INTU: variants seen among roughly 807,000 people sequenced by gnomAD.
The protein encoded by INTU is inturned planar cell polarity protein.
In INTU, 68 loss-of-function variants were observed where a neutral mutation model predicts 100.5. The observed-to-expected ratio is 0.68, with a 90% CI of 0.56 to 0.83. The LOEUF is 0.83. Among genes scored for constraint, INTU ranks in the 40% least tolerant of loss-of-function variants. The probability of loss-of-function intolerance (pLI) is 0.00; values close to 1 mark genes in which losing one functional copy is unlikely to be tolerated. For synonymous variants in INTU, 357 were observed against 395.7 expected (o/e 0.90, Z 1.16); for missense variants, 1,071 against 1,114.7 (o/e 0.96, Z 0.56).
intron 6 of INTU, among the ~76,000 whole-genome samples, chr4:127,676,663 G>A (rs1042610633): frequency 2.6e-5 from 4 of 151,990 alleles, no homozygotes; most frequent in South Asian, 2.1e-4. Flanking sequence ...AGCTCCCAGC[G>A]TGAGCGATGC....
intron 8 of INTU, among the ~76,000 whole-genome samples, chr4:127,690,605 C>T (rs1730072255): frequency 1.3e-5 from 2 of 152,240 alleles, no homozygotes; most frequent in South Asian, 4.1e-4. Flanking sequence ...AGCTAGATAC[C>T]TTTTGCTAAA....
At chr4:127,636,771 A>T (rs1727093460) in intron 1 of INTU, among the ~76,000 whole-genome samples, 1 of 152,200 alleles carries the variant, frequency 6.6e-6, no homozygotes, top group South Asian at 2.1e-4. Flanking sequence ...ACATGGGAAC[A>T]TACTAGTTGT....
chr4:127,647,180 T>G (rs1727629775), intron 2 of INTU, among the ~76,000 whole-genome samples: 1 of 152,236 alleles, frequency 6.6e-6, no homozygotes, highest in South Asian at 2.1e-4. Flanking sequence ...ACTAGGCTAG[T>G]GCATTCATCT....
chr4:127,656,362 T>C (rs1728223288), intron 2 of INTU, among the ~76,000 whole-genome samples: 1 of 152,222 alleles, frequency 6.6e-6, no homozygotes. Context: ...CTCCCAATTG[T>C]ATCAAGAATA....
intron 3 of INTU, among the ~76,000 whole-genome samples, chr4:127,660,621 T>TA (rs368152143): frequency 6.6e-6 from 1 of 152,166 alleles, no homozygotes; most frequent in Non-Finnish European, 1.5e-5. Context: ...CATTGCTTTT[T>TA]AAATAGGATG....
intron 12 of INTU, among the ~76,000 whole-genome samples, chr4:127,708,132 A>G (rs1730962932): frequency 6.6e-6 from 1 of 152,330 alleles, no homozygotes; most frequent in Admixed American, 6.5e-5. Flanking sequence ...CAGATTAAAG[A>G]ATTACCAAGC....
chr4:127,685,337 A>C (rs1481807509), intron 7 of INTU: 2 of 391,200 alleles, frequency 5.1e-6, no homozygotes, highest in Admixed American at 5.5e-5. Flanking sequence ...CCTTAGGAGT[A>C]TATCAGTACA....
chr4:127,674,076 T>C (rs1252336797), intron 5 of INTU, 48 bp from the exon 6 acceptor site: 1 of 1,204,722 alleles, frequency 8.3e-7, no homozygotes, highest in South Asian at 1.4e-5. Context: ...TATAATTTTA[T>C]GACATTTAAA....
chr4:127,705,707 A>G lies in INTU; in HGVS notation c.1683A>G (p.Ile561Met), dbSNP rs1479602366. 3 of 1,613,946 alleles carry G rather than the reference A, an allele frequency of 1.9e-6. No homozygotes were observed. The highest frequency in any genetic ancestry group is 2.5e-6 in the Non-Finnish European group (3 of 1,179,954). Reference protein sequence around the residue: ...AAKQRIGQLIIWREVFPQHHL... With the variant: ...AAKQRIGQLIMWREVFPQHHL... Reference sequence around the variant, plus strand: ...AACAAAGAATTGGTCAGTTGATCATATGGAGAGAAGTGTTTCCTCAGCATC... The same window carrying G: ...AACAAAGAATTGGTCAGTTGATCATGTGGAGAGAAGTGTTTCCTCAGCATC... The change falls in exon 11 of 16, where the codon ATA (isoleucine) becomes ATG (methionine). Residue 561 changes from isoleucine (I) to methionine (M), a missense_variant. Ile to Met is a conservative substitution (Grantham distance 10). Coordinates refer to ENST00000335251, the MANE Select transcript of INTU (RefSeq NM_015693.4).
chr4:127,635,013 C>T (rs980106975), intron 1 of INTU, among the ~76,000 whole-genome samples: 4 of 152,184 alleles, frequency 2.6e-5, no homozygotes, highest in Admixed American at 6.5e-5. Flanking sequence ...TCATGGACTA[C>T]GTGAAGCTTA....
At chr4:127,638,776 C>T (rs942424322) in intron 1 of INTU, among the ~76,000 whole-genome samples, 1 of 152,048 alleles carries the variant, frequency 6.6e-6, no homozygotes, top group African/African-American at 2.4e-5. Context: ...AGGCTATAAA[C>T]ATACACTTAT....
At chr4:127,705,898 T>C in intron 11 of INTU, 86 bp downstream of exon 11, 1 of 907,406 alleles carries the variant, frequency 1.1e-6, no homozygotes, top group Non-Finnish European at 1.7e-6. Context: ...GATGCAGCGG[T>C]AGGTAGGTAT....
Position 127,716,516 on chromosome 4 carries a change from A to AT in INTU, c.*81dup. The AT allele has an allele frequency of 1.8e-6, 1 of 558,692 alleles. No homozygotes were observed. Among genetic ancestry groups the AT allele is most frequent in the Non-Finnish European group, 3.1e-6 (1 of 326,820 alleles). 34.6% of individuals were successfully genotyped at this position (558,692 alleles called of 1,614,324 possible). ...ATTGCTGAAATCAATACACAAAGAG[A>AT]TAAAGTTTAGCTTCTTTTTACTATT... On this transcript the variant is annotated 3_prime_UTR_variant, in exon 16 of 16. Coordinates refer to ENST00000335251, the MANE Select transcript of INTU (RefSeq NM_015693.4).
In INTU at chr4:127,687,677, G is replaced by C. The variant is rs775309035; in HGVS notation, c.1260-1G>C. 1 of 1,605,166 alleles carries C rather than the reference G, an allele frequency of 6.2e-7. No individual in the cohort carries two copies. The highest frequency in any genetic ancestry group is 8.5e-7 in the Non-Finnish European group (1 of 1,173,066). Reference sequence around the variant, plus strand: ...CTAACTTACAGCTCTTATTTCTCCAGTGCCTTTTGCCAGATTGAGAATGTT... The same window carrying C: ...CTAACTTACAGCTCTTATTTCTCCACTGCCTTTTGCCAGATTGAGAATGTT... On this transcript the variant is annotated splice_acceptor_variant, in intron 7 of 15. Coordinates refer to ENST00000335251, the MANE Select transcript of INTU (RefSeq NM_015693.4). LOFTEE classifies it high-confidence loss of function.
chr4:127,653,286 C>T, intron 2 of INTU, among the ~76,000 whole-genome samples: 1 of 127,242 alleles, frequency 7.9e-6, no homozygotes, highest in Admixed American at 8.0e-5. Flanking sequence ...TTTGCTCTTG[C>T]TTTTCTAGTT....
chr4:127,674,271 T>C (rs1729072885), intron 6 of INTU, 58 bp downstream of exon 6: 1 of 1,329,526 alleles, frequency 7.5e-7, no homozygotes, highest in Non-Finnish European at 1.1e-6. Flanking sequence ...ACTTTTGTTT[T>C]GTTAAAATTA....
At chr4:127,710,823 A>G (rs1410025659) in intron 13 of INTU, 90 bp from the exon 14 acceptor site, 3 of 712,570 alleles carry the variant, frequency 4.2e-6, no homozygotes, top group Non-Finnish European at 4.2e-6. Flanking sequence ...ATAAAAGCTT[A>G]TAAGAAGTCT....
chr4:127,654,411 A>G (rs1276694152), intron 2 of INTU, among the ~76,000 whole-genome samples: 2 of 152,152 alleles, frequency 1.3e-5, no homozygotes, highest in African/African-American at 2.4e-5. Flanking sequence ...CTTTTAGGGC[A>G]GGCCTGGTGG....
chr4:127,657,994 G>A (rs1728311463), intron 3 of INTU, among the ~76,000 whole-genome samples: 1 of 152,128 alleles, frequency 6.6e-6, no homozygotes, highest in Non-Finnish European at 1.5e-5. Context: ...TGGGACAGAG[G>A]ACCCATCAGG....
Sources: gnomAD v4.1 joint callset for allele counts (sites outside exome capture counted in the v4.1 genomes callset) on GRCh38, gnomAD v4.1.1 for gene constraint, MANE v1.5 for transcripts, NCBI Gene and HGNC (gene_info 2026-07-23, HGNC 2026-07-21) for gene names.